The following PCDH17 variants were observed in gnomAD, a reference collection of about 807,000 sequenced individuals.
PCDH17 encodes the protein protocadherin 17.
PCDH17 carries 21 observed loss-of-function variants against 67.7 expected under a neutral mutation model. The ratio of observed to expected loss-of-function variants is 0.31; its 90% CI spans 0.22 to 0.45. The LOEUF is 0.45. Ranked by LOEUF, PCDH17 falls within the 20% of genes least tolerant of loss-of-function variation. The pLI is 1.00. For missense variants in PCDH17, 1,471 were observed against 1,564.8 expected, an observed-to-expected ratio of 0.94 and a Z score of 1.01; for synonymous variants, 701 against 656.7, an observed-to-expected ratio of 1.07 and a Z score of -1.03.
chr13:57,710,767 T>C (rs61961912), intron 3 of PCDH17, among the ~76,000 whole-genome samples: 9,640 of 151,982 alleles, frequency 0.063, 339 homozygotes, highest in Middle Eastern at 0.099. Context: ...ATGTATATTA[T>C]AGTAATCTAA....
intron 1 of PCDH17, among the ~76,000 whole-genome samples, chr13:57,659,892 G>T (rs989233231): frequency 6.6e-6 from 1 of 152,008 alleles, no homozygotes; most frequent in South Asian, 2.1e-4. Context: ...TTATTTTATG[G>T]CTGGGTAAAT....
intron 1 of PCDH17, among the ~76,000 whole-genome samples, chr13:57,659,961 G>A (rs74345578): frequency 0.033 from 5,039 of 152,136 alleles, 286 homozygotes; most frequent in African/African-American, 0.11. Flanking sequence ...GGCTGGGTTC[G>A]GTGGCTTATG....
chr13:57,646,218 A>G (rs769884192), intron 1 of PCDH17, among the ~76,000 whole-genome samples: 26 of 151,638 alleles, frequency 1.7e-4, no homozygotes, highest in South Asian at 4.1e-4. Context: ...TATATGTGGT[A>G]ATGAAATTTT....
chr13:57,689,108 A>C (rs1391702057), intron 3 of PCDH17, among the ~76,000 whole-genome samples: 1 of 151,908 alleles, frequency 6.6e-6, no homozygotes, highest in African/African-American at 2.4e-5. Flanking sequence ...AAAGATGATG[A>C]TAATGTGTTA....
intron 3 of PCDH17, among the ~76,000 whole-genome samples, chr13:57,709,370 A>T (rs1955753566): frequency 6.6e-6 from 1 of 151,738 alleles, no homozygotes; most frequent in East Asian, 1.9e-4. Flanking sequence ...ATTTAAGGTT[A>T]ATGAATGCAT....
chr13:57,666,468 A>G lies in PCDH17; in HGVS notation c.2566A>G (p.Thr856Ala), dbSNP rs1955255432. 1 of 1,613,282 alleles carries G rather than the reference A, an allele frequency of 6.2e-7. No homozygotes were observed. Residue 856 changes from threonine (T) to alanine (A), a missense_variant and splice_region_variant, in exon 2 of 4, where the codon ACA becomes GCA. By Grantham distance (58) the Thr-to-Ala change is moderately conservative. Around this residue, in one of 3 missense-constraint regions of PCDH17, gnomAD observed 1,163 missense variants for 1,230.0 expected, o/e 0.95. Coordinates refer to ENST00000377918, the MANE Select transcript of PCDH17 (RefSeq NM_001040429.3). ...TPATRMSIIQTDNFPAEPNYM... is the reference protein window; with the variant it reads ...TPATRMSIIQADNFPAEPNYM... ...GTATTTTTTTCCTTCTCTTTCACAG[A>G]CAGACAATTTTCCCGCAGAGCCCAA... is the stretch of plus-strand genomic sequence containing the variant.
chr13:57,644,449 A>C (rs1454790991), intron 1 of PCDH17, among the ~76,000 whole-genome samples: 2 of 151,576 alleles, frequency 1.3e-5, no homozygotes, highest in Middle Eastern at 3.2e-3. Flanking sequence ...AGACAATTAC[A>C]TAGTAATTTG....
At chr13:57,695,225 C>T (rs1289471172) in intron 3 of PCDH17, among the ~76,000 whole-genome samples, 1 of 150,960 alleles carries the variant, frequency 6.6e-6, no homozygotes, top group Non-Finnish European at 1.5e-5. Flanking sequence ...TGTTATAAAA[C>T]AAAAGCTTCA....
chr13:57,683,827 A>G (rs1349382656), intron 3 of PCDH17, among the ~76,000 whole-genome samples: 1 of 151,926 alleles, frequency 6.6e-6, no homozygotes, highest in Non-Finnish European at 1.5e-5. Flanking sequence ...AGTTAGCCAT[A>G]TATATGCACT....
rs569565201 is a variant in PCDH17, at chr13:57,719,533, A to C, written c.2798-5079A>C. 9.9e-5 allele frequency among the ~76,000 whole-genome samples: 15 copies of C among 152,164 alleles called. No homozygotes were observed. The East Asian group carries it at 1.9e-3, about 20-fold the overall frequency. On this transcript the variant is annotated intron_variant, in intron 3 of 3. Transcript: ENST00000377918. Reference sequence around the variant, plus strand: ...CTATATGTACGTTTTCAGGTGTACAAATATGTAAGTTCCCAAAGCACCAAG... The same window carrying C: ...CTATATGTACGTTTTCAGGTGTACACATATGTAAGTTCCCAAAGCACCAAG...
At chr13:57,720,156 C>G (rs1955860710) in intron 3 of PCDH17, among the ~76,000 whole-genome samples, 1 of 151,898 alleles carries the variant, frequency 6.6e-6, no homozygotes, top group Admixed American at 6.6e-5. Context: ...AAAATGATTG[C>G]TTGCCTGATA....
In PCDH17 at chr13:57,651,490, A is replaced by C. The variant is rs1028389629; in HGVS notation, c.2566-14978A>C. 2.0e-5 allele frequency among the ~76,000 whole-genome samples: 3 copies of C among 148,832 alleles called. No homozygotes were observed. In the East Asian group the frequency reaches 6.0e-4, roughly 30 times the overall value. ...GTAGCTGTTACTTCAGGCATGTGCC[A>C]CCAGGCCTGGCTAACTTTTATATTT... On this transcript the variant is annotated intron_variant, in intron 1 of 3. Coordinates refer to ENST00000377918, the MANE Select transcript of PCDH17 (RefSeq NM_001040429.3).
In PCDH17 at chr13:57,632,526, C is replaced by T. The variant is rs758208045; in HGVS notation, c.-21C>T. On this transcript the variant is annotated 5_prime_UTR_variant, in exon 1 of 4. Coordinates refer to ENST00000377918, the MANE Select transcript of PCDH17 (RefSeq NM_001040429.3). ...GGCTCCTCCAGTCCGATTGCTCCTG[C>T]CCCCACCTTACAGGTCTGGGATGTA... The T allele has an allele frequency of 1.1e-5, 17 of 1,606,174 alleles. No homozygotes were observed. Among genetic ancestry groups the T allele is most frequent in the Non-Finnish European group, 1.4e-5 (16 of 1,176,034 alleles).
chr13:57,660,301 T>G (rs2138014614), intron 1 of PCDH17, among the ~76,000 whole-genome samples: 1 of 152,224 alleles, frequency 6.6e-6, no homozygotes, highest in South Asian at 2.1e-4. Context: ...TTTGATGGTG[T>G]GATTAAATAG....
chr13:57,669,063 T>C (rs1377654225), intron 3 of PCDH17, among the ~76,000 whole-genome samples: 2 of 152,048 alleles, frequency 1.3e-5, no homozygotes, highest in Non-Finnish European at 2.9e-5. Flanking sequence ...ATTGTTCAAT[T>C]CCCACCTATG....
rs754616163 is a variant in PCDH17, at chr13:57,727,113, CA to C, written c.*1820del. The C allele has an allele frequency of 6.6e-6, 1 of 152,526 alleles. No individual in the cohort carries two copies. Among genetic ancestry groups the C allele is most frequent in the Non-Finnish European group, 1.5e-5 (1 of 68,006 alleles). 9.4% of individuals were successfully genotyped at this position (152,526 alleles called of 1,614,324 possible). On this transcript the variant is annotated 3_prime_UTR_variant, in exon 4 of 4. Coordinates refer to ENST00000377918, the MANE Select transcript of PCDH17 (RefSeq NM_001040429.3). ...CAGGAATTGGGAAAAATAAAATTAG[CA>C]CTTGCAGAAGTAGCAGCAGATGGGA...
At position 57,724,813 on chromosome 13, in the gene PCDH17, C is replaced by G; in HGVS notation, c.2999C>G (p.Thr1000Arg). Reference sequence around the variant, plus strand: ...CCCACTGGGAAAAAGACTTTTTGTACATTTGGAAAAGACAAGCGAGAGCAC... The same window carrying G: ...CCCACTGGGAAAAAGACTTTTTGTAGATTTGGAAAAGACAAGCGAGAGCAC... ...VNPTGKKTFC[T>R]FGKDKREHTI... is the part of the protein sequence containing the mutation. Residue 1000 changes from threonine to arginine, a missense_variant, in exon 4 of 4, where the codon ACA (threonine) becomes AGA (arginine). By Grantham distance (71) the Thr-to-Arg change is moderately conservative. Coordinates refer to ENST00000377918, the MANE Select transcript of PCDH17 (RefSeq NM_001040429.3). 1 of 1,614,158 alleles carries G rather than the reference C, an allele frequency of 6.2e-7. No homozygotes were observed. Among genetic ancestry groups the G allele is most frequent in the Non-Finnish European group, 8.5e-7 (1 of 1,180,000 alleles).
At chr13:57,686,823 G>T (rs1955511931) in intron 3 of PCDH17, among the ~76,000 whole-genome samples, 2 of 151,926 alleles carry the variant, frequency 1.3e-5, no homozygotes, top group African/African-American at 2.4e-5. Context: ...CTCGAAATAT[G>T]GCCTATGATT....
chr13:57,717,161 T>C (rs1048382962), intron 3 of PCDH17, among the ~76,000 whole-genome samples: 5 of 151,940 alleles, frequency 3.3e-5, no homozygotes, highest in African/African-American at 1.2e-4. Flanking sequence ...CTTCCAAGCA[T>C]CTGCCGCTGC....
Sources: allele counts gnomAD v4.1 joint callset (sites outside exome capture counted in the v4.1 genomes callset), GRCh38; gene constraint gnomAD v4.1.1; regional missense constraint gnomAD v4.1.1; transcripts MANE v1.5; gene names NCBI Gene and HGNC (gene_info 2026-07-23, HGNC 2026-07-21).